The following TTC7B variants were observed in gnomAD, a reference collection of about 807,000 sequenced individuals.
The protein encoded by TTC7B is tetratricopeptide repeat protein 7B.
TTC7B carries 28 observed loss-of-function variants against 106.8 expected under a neutral mutation model. The observed-to-expected ratio is 0.26, with a 90% CI of 0.19 to 0.36. The LOEUF is 0.36. TTC7B is among the 10% of genes least tolerant of loss of function. The pLI, the probability that TTC7B is intolerant of heterozygous loss-of-function variation, is 1.00. For missense variants in TTC7B, 862 were observed against 1,076.4 expected (o/e 0.80, Z 2.79); for synonymous variants, 405 against 430.6 (o/e 0.94, Z 0.74).
chr14:90,544,765 C>A (rs748329847), intron 19 of TTC7B, among the ~76,000 whole-genome samples: 2 of 152,094 alleles, frequency 1.3e-5, no homozygotes, highest in Non-Finnish European at 2.9e-5. Context: ...GGCAGGAGCT[C>A]GTCACACGCC....
At chr14:90,781,445 A>G (rs1891217724) in intron 2 of TTC7B, among the ~76,000 whole-genome samples, 1 of 152,216 alleles carries the variant, frequency 6.6e-6, no homozygotes. Flanking sequence ...TGGTATGTGA[A>G]TCACACTTCA....
chr14:90,591,983 T>C lies in TTC7B; in HGVS notation c.2107+1503A>G, dbSNP rs117070031. On this transcript the variant is annotated intron_variant, in intron 18 of 19. Coordinates refer to ENST00000328459, the MANE Select transcript of TTC7B (RefSeq NM_001010854.2). ...TGTGAATTCATGAATCACCCCTCTT[T>C]TGTACTTCTGCTTAGAAGAATATAA... Among the ~76,000 whole-genome samples, 647 of 152,352 alleles carry C rather than the reference T, an allele frequency of 4.2e-3. 3 individuals carry two copies. The highest frequency in any genetic ancestry group is 6.5e-3 in the Non-Finnish European group (444 of 68,030).
At chr14:90,694,678 T>TTTTTATTTTATTTTAAAATATA (rs1555390471) in intron 6 of TTC7B, among the ~76,000 whole-genome samples, 2 of 45,966 alleles carry the variant, frequency 4.4e-5, no homozygotes, top group East Asian at 1.2e-3. Flanking sequence ...TATATGTATA[T>TTTTTATTTTATTTTAAAATATA]TTTTATTTTA....
chr14:90,609,892 G>A (rs879799242), intron 17 of TTC7B, among the ~76,000 whole-genome samples: 2 of 152,190 alleles, frequency 1.3e-5, no homozygotes, highest in Non-Finnish European at 2.9e-5. Context: ...ATGTTTCTGA[G>A]TGTTAATACA....
In TTC7B at chr14:90,689,563, T is replaced by G. The variant is rs755012883; in HGVS notation, c.927A>C (p.Arg309Ser). 1 of 1,613,950 alleles carries G rather than the reference T, an allele frequency of 6.2e-7. No homozygotes were observed. The highest frequency in any genetic ancestry group is 1.3e-5 in the African/African-American group (1 of 74,914). ...ACTTCTCTCCTGAGTAGACACGGGCTCTCCGAGTGAGAGTGTAGGTTTTTG... is the reference window on the plus strand; with the variant it reads ...ACTTCTCTCCTGAGTAGACACGGGCGCTCCGAGTGAGAGTGTAGGTTTTTG... ...ANTKTYTLTRRARVYSGENIF... is the reference protein window; with the variant it reads ...ANTKTYTLTRSARVYSGENIF... The change falls in exon 7 of 20, where the codon AGA (arginine) becomes AGC (serine). Residue 309 changes from arginine to serine, a missense_variant. Physicochemically the swap from Arg to Ser is moderately radical, Grantham distance 110. Transcript: ENST00000328459.
Position 90,531,604 on chromosome 14 carries a change from A to G in TTC7B, c.*9764T>C, listed in dbSNP as rs966527327. 1.5e-5 allele frequency: 2 copies of G among 134,190 alleles called. No individual in the cohort carries two copies. Among genetic ancestry groups the G allele is most frequent in the Admixed American group, 8.3e-5 (1 of 12,040 alleles). 8.3% of individuals were successfully genotyped at this position (134,190 alleles called of 1,614,324 possible). A position where few individuals can be genotyped will look rare whatever the true frequency, so the allele number is the denominator to read the frequency against. On this transcript the variant is annotated 3_prime_UTR_variant, in exon 20 of 20. Transcript: ENST00000328459. ...ATTGCGCTCCAGCCTGGACAACAAG[A>G]GCGAAACTCCTTCTCAAAAAAAAAA...
intron 17 of TTC7B, chr14:90,603,163 G>T: frequency 1.1e-6 from 1 of 902,384 alleles, no homozygotes; most frequent in Non-Finnish European, 1.6e-6. Flanking sequence ...AGCATTCTCA[G>T]CACTCAACAA....
intron 4 of TTC7B, among the ~76,000 whole-genome samples, chr14:90,743,933 G>A (rs547976524): frequency 9.8e-5 from 15 of 152,298 alleles, no homozygotes; most frequent in Admixed American, 7.8e-4. Flanking sequence ...TTAGAACCCC[G>A]AGCTCACTCG....
intron 8 of TTC7B, among the ~76,000 whole-genome samples, chr14:90,678,893 A>G (rs1175028483): frequency 6.6e-6 from 1 of 152,212 alleles, no homozygotes; most frequent in African/African-American, 2.4e-5. Context: ...TCTAAAATGT[A>G]CAGTCATCAT....
At chr14:90,780,429 AAG>A (rs1172485824) in intron 3 of TTC7B, among the ~76,000 whole-genome samples, 6 of 124,856 alleles carry the variant, frequency 4.8e-5, no homozygotes, top group South Asian at 4.9e-4. Flanking sequence ...GAAAGAAAGA[AAG>A]AGAGAGAGAG....
chr14:90,541,149 A>G lies in TTC7B; in HGVS notation c.*219T>C, dbSNP rs757690328. 6.2e-5 allele frequency: 28 copies of G among 451,928 alleles called. No homozygotes were observed. The highest frequency in any genetic ancestry group is 1.0e-4 in the Non-Finnish European group (26 of 254,168). The allele number at this position is 451,928 out of a possible 1,614,324, so 28.0% of individuals were successfully genotyped here. Reference sequence around the variant, plus strand: ...ATGATCCATTTTGAACAATGTCAATAGGTTCAGAAACTACCATTGGGCTGG... The same window carrying G: ...ATGATCCATTTTGAACAATGTCAATGGGTTCAGAAACTACCATTGGGCTGG... On this transcript the variant is annotated 3_prime_UTR_variant, in exon 20 of 20. Coordinates refer to ENST00000328459, the MANE Select transcript of TTC7B (RefSeq NM_001010854.2).
chr14:90,731,360 A>G (rs1172371836), intron 4 of TTC7B, among the ~76,000 whole-genome samples: 1 of 152,194 alleles, frequency 6.6e-6, no homozygotes, highest in African/African-American at 2.4e-5. Context: ...CATTTGCTGA[A>G]AGTCAGCAGC....
At chr14:90,813,343 T>C (rs1181200539) in intron 1 of TTC7B, among the ~76,000 whole-genome samples, 1 of 152,206 alleles carries the variant, frequency 6.6e-6, no homozygotes, top group African/African-American at 2.4e-5. Flanking sequence ...CCTTTCCTAC[T>C]GGGATGTGAG....
intron 15 of TTC7B, among the ~76,000 whole-genome samples, chr14:90,640,607 T>C (rs188302830): frequency 1.4e-4 from 22 of 152,362 alleles, no homozygotes; most frequent in Non-Finnish European, 2.2e-4. Flanking sequence ...AACATTCATT[T>C]GATTTTATTC....
chr14:90,695,969 C>T (rs924756104), intron 5 of TTC7B, among the ~76,000 whole-genome samples: 5 of 152,092 alleles, frequency 3.3e-5, no homozygotes, highest in East Asian at 1.9e-4. Flanking sequence ...GAGCAAGCAC[C>T]GTGTGCAACA....
intron 15 of TTC7B, among the ~76,000 whole-genome samples, chr14:90,628,731 C>A (rs995519540): frequency 6.6e-6 from 1 of 152,232 alleles, no homozygotes; most frequent in Non-Finnish European, 1.5e-5. Flanking sequence ...CATGGGACCG[C>A]GCATCCTTGC....
intron 3 of TTC7B, among the ~76,000 whole-genome samples, chr14:90,754,723 G>C (rs1388363631): frequency 6.6e-6 from 1 of 152,148 alleles, no homozygotes; most frequent in Non-Finnish European, 1.5e-5. Flanking sequence ...TCTATCAGCA[G>C]TTCCTCCCTA....
At chr14:90,728,823 C>A (rs1889213059) in intron 5 of TTC7B, among the ~76,000 whole-genome samples, 1 of 152,236 alleles carries the variant, frequency 6.6e-6, no homozygotes, top group South Asian at 2.1e-4. Flanking sequence ...AGAAGGAGGG[C>A]AAGGGCCGGG....
Position 90,647,160 on chromosome 14 carries a change from CTCT to C in TTC7B, c.1518-140_1518-138del, listed in dbSNP as rs527562921. The C allele has an allele frequency of 1.3e-4, 90 of 714,490 alleles. No homozygotes were observed. The East Asian group carries it at 2.3e-3, about 18-fold the overall frequency. 44.3% of individuals were successfully genotyped at this position (714,490 alleles called of 1,614,324 possible). On this transcript the variant is annotated intron_variant, in intron 13 of 19. Transcript: ENST00000328459. ...TTAACTATGTAATGCTTCATTTAAA[CTCT>C]TCTTCTTTGTCCACCTACACATGTA... is the stretch of plus-strand genomic sequence containing the variant.
Sources: allele counts gnomAD v4.1 joint callset (sites outside exome capture counted in the v4.1 genomes callset), GRCh38; gene constraint gnomAD v4.1.1; transcripts MANE v1.5; gene names NCBI Gene and HGNC (gene_info 2026-07-23, HGNC 2026-07-21).